Variants in DNAH1 observed in about 807,000 individuals in gnomAD.
The protein encoded by DNAH1 is dynein axonemal heavy chain 1.
Under a neutral mutation model 484.3 loss-of-function variants are expected in DNAH1, and 327 were observed. That is an observed-to-expected ratio of 0.68 (90% CI 0.62 to 0.74). DNAH1 has a LOEUF of 0.74. Among genes scored for constraint, DNAH1 ranks in the 30% least tolerant of loss-of-function variants. The pLI is 0.00. For missense variants in DNAH1, 5,052 were observed against 5,546.8 expected (o/e 0.91, Z 2.83); for synonymous variants, 2,192 against 2,191.9 (o/e 1.00, Z 0.00).
Position 52,372,295 on chromosome 3 carries a change from G to C in DNAH1, c.6735G>C (p.Leu2245=), listed in dbSNP as rs536792309. The change falls in exon 43 of 78, where the codon CTG becomes CTC. Residue 2245 remains leucine (L), a synonymous_variant. Transcript: ENST00000420323. ...TCTCTGACAAGCTCCTCAAGAACCT[G>C]GCACTGGATTACATCAGCCACTTCC... is the stretch of plus-strand genomic sequence containing the variant. The part of the protein sequence containing the change: ...LTISDKLLKN[L]ALDYISHFLT... 1.9e-6 allele frequency: 3 copies of C among 1,613,978 alleles called. No homozygotes were observed. The highest frequency in any genetic ancestry group is 3.3e-5 in the Admixed American group (2 of 60,026).
chr3:52,386,896 AG>A, intron 56 of DNAH1, 43 bp downstream of exon 56: 4 of 1,496,124 alleles, frequency 2.7e-6, no homozygotes, highest in Non-Finnish European at 3.6e-6. Flanking sequence ...AGTGAGGACA[AG>A]GCCCGCCCGG....
At position 52,399,720 on chromosome 3, in the gene DNAH1, G is replaced by A. The variant is rs528880647; in HGVS notation, c.12617G>A (p.Arg4206His). 5.1e-5 allele frequency: 83 copies of A among 1,613,984 alleles called. 3 individuals are homozygous for A. In the South Asian group the frequency reaches 7.6e-4, roughly 15 times the overall value. ...AVIWLLPTPN[R>H]KAQDQDFYLC... ...ATCTGGCTCTTGCCAACACCCAACC[G>A]CAAGGCCCAGGACCAGGACTTTTAC... is the stretch of plus-strand genomic sequence containing the variant. Residue 4206 changes from arginine (R) to histidine (H), a missense_variant, in exon 77 of 78, where the codon CGC becomes CAC. Arg to His is a conservative substitution (Grantham distance 29, BLOSUM62 0). Transcript: ENST00000420323.
chr3:52,326,176 G>C lies in DNAH1; in HGVS notation c.443G>C (p.Arg148Pro). The change falls in exon 4 of 78, where the codon CGC (arginine) becomes CCC (proline). Residue 148 changes from arginine (R) to proline (P), a missense_variant. Coordinates refer to ENST00000420323, the MANE Select transcript of DNAH1 (RefSeq NM_015512.5). ...SFEVPEDFQERMEQQCIGSTT... is the reference protein window; with the variant it reads ...SFEVPEDFQEPMEQQCIGSTT... The stretch of plus-strand genomic sequence containing the variant: ...GAGGTTCCTGAAGACTTCCAGGAGC[G>C]CATGGAGCAGCAGTGCATCGGGTCC... 6.2e-7 allele frequency: 1 copy of C among 1,611,682 alleles called. No homozygotes were observed. The highest frequency in any genetic ancestry group is 8.5e-7 in the Non-Finnish European group (1 of 1,178,906).
chr3:52,357,497 C>G, intron 22 of DNAH1, 117 bp from the exon 23 acceptor site: 1 of 1,359,614 alleles, frequency 7.4e-7, no homozygotes, highest in Non-Finnish European at 9.9e-7. Context: ...TTTTCTGCAT[C>G]TTCTTTCCCA....
chr3:52,319,695 G>T (rs891387432), intron 1 of DNAH1, among the ~76,000 whole-genome samples: 1 of 152,214 alleles, frequency 6.6e-6, no homozygotes, highest in Non-Finnish European at 1.5e-5. Context: ...CCATGAGGCC[G>T]CGGCAGGAGG....
At chr3:52,374,400 C>A in intron 44 of DNAH1, 1 of 1,323,678 alleles carries the variant, frequency 7.6e-7, no homozygotes, top group Non-Finnish European at 1.1e-6. Context: ...GGACAGCACC[C>A]CCACAGAACC....
upstream of DNAH1, among the ~76,000 whole-genome samples, chr3:52,314,397 C>T (rs1280243649): frequency 6.6e-6 from 1 of 152,212 alleles, no homozygotes; most frequent in Non-Finnish European, 1.5e-5. Flanking sequence ...CCTGCACCCT[C>T]AGATGGAGGT....
At chr3:52,374,884 A>G (rs752728644) in intron 44 of DNAH1, 14 of 1,067,108 alleles carry the variant, frequency 1.3e-5, no homozygotes, top group Non-Finnish European at 1.7e-5. Flanking sequence ...GCCAATCCCC[A>G]GGTACTAAAA....
chr3:52,327,314 C>T lies in DNAH1; in HGVS notation c.738+423C>T, dbSNP rs72959340. On this transcript the variant is annotated intron_variant, in intron 5 of 77. Transcript: ENST00000420323. ...CCCCCGTGGGGTATAAATCAGGAAA[C>T]GAATCCAGGGAGGAGAAAGAGGGAG... Among the ~76,000 whole-genome samples the T allele has an allele frequency of 3.0e-3, 461 of 152,192 alleles. 1 individual carries two copies. The highest frequency in any genetic ancestry group is 0.011 in the African/African-American group (439 of 41,506).
intron 16 of DNAH1, among the ~76,000 whole-genome samples, 179 bp from the exon 17 acceptor site, chr3:52,351,783 C>T (rs994308853): frequency 3.3e-5 from 5 of 152,208 alleles, no homozygotes; most frequent in African/African-American, 1.2e-4. Context: ...GTCGCGCCTC[C>T]CAGCTCACCT....
intron 28 of DNAH1, among the ~76,000 whole-genome samples, chr3:52,360,724 A>G (rs1036728303): frequency 1.3e-5 from 2 of 152,206 alleles, no homozygotes; most frequent in Non-Finnish European, 2.9e-5. Context: ...CTCAGTGAGC[A>G]TCTAATGGGT....
At chr3:52,369,440 G>A (rs889894441) in intron 37 of DNAH1, among the ~76,000 whole-genome samples, 9 of 152,186 alleles carry the variant, frequency 5.9e-5, no homozygotes, top group Non-Finnish European at 1.5e-5. Flanking sequence ...ACTGAGTCCA[G>A]CTCTTGAATC....
At chr3:52,333,691 AT>A (rs1190128374) in intron 8 of DNAH1, among the ~76,000 whole-genome samples, 2 of 151,642 alleles carry the variant, frequency 1.3e-5, no homozygotes, top group African/African-American at 2.4e-5. Context: ...CCAACTTACC[AT>A]TTTTCAACTT....
chr3:52,349,150 C>T (rs759927610), intron 13 of DNAH1, 45 bp from the exon 14 acceptor site: 1 of 1,611,920 alleles, frequency 6.2e-7, no homozygotes, highest in Non-Finnish European at 8.5e-7. Context: ...CCTGCCCACC[C>T]TGCTCACCAT....
chr3:52,345,555 C>T lies in DNAH1; in HGVS notation c.1505C>T (p.Ser502Phe). 1 of 1,592,122 alleles carries T rather than the reference C, an allele frequency of 6.3e-7. No homozygotes were observed. Among genetic ancestry groups the T allele is most frequent in the South Asian group, 1.1e-5 (1 of 88,088 alleles). Reference sequence around the variant, plus strand: ...CAGAAGGAGGACTTCACTTTCGTGTCCCTGCTCACACGGCCAGAGGTCATC... The same window carrying T: ...CAGAAGGAGGACTTCACTTTCGTGTTCCTGCTCACACGGCCAGAGGTCATC... ...WEQKEDFTFV[S>F]LLTRPEVITA... The change falls in exon 10 of 78, where the codon TCC (serine) becomes TTC (phenylalanine). Residue 502 changes from serine to phenylalanine, a missense_variant. Physicochemically the swap from Ser to Phe is radical, Grantham distance 155. Transcript: ENST00000420323.
chr3:52,388,820 G>C lies in DNAH1; in HGVS notation c.9378G>C (p.Leu3126=). 6.2e-7 allele frequency: 1 copy of C among 1,613,622 alleles called. No homozygotes were observed. Among genetic ancestry groups the C allele is most frequent in the South Asian group, 1.1e-5 (1 of 91,072 alleles). Reference sequence around the variant, plus strand: ...TGCCCCTCCAGCTCATCAACGGGCTGTCGGATGAGAAGGTGCGCTGGCAGG... The same window carrying C: ...TGCCCCTCCAGCTCATCAACGGGCTCTCGGATGAGAAGGTGCGCTGGCAGG... ...LGRAGKLING[L]SDEKVRWQET... is the part of the protein sequence containing the mutation. Residue 3126 remains leucine, a synonymous_variant, in exon 59 of 78, where the codon CTG becomes CTC. Coordinates refer to ENST00000420323, the MANE Select transcript of DNAH1 (RefSeq NM_015512.5).
rs1399570720 is a variant in DNAH1 at position 52,396,651 on chromosome 3, T to C, written c.11464T>C (p.Cys3822Arg). The C allele has an allele frequency of 6.2e-7, 1 of 1,613,630 alleles. No homozygotes were observed. The highest frequency in any genetic ancestry group is 8.5e-7 in the Non-Finnish European group (1 of 1,179,794). The change falls in exon 72 of 78, where the codon TGC becomes CGC. Residue 3822 changes from cysteine to arginine, a missense_variant. Around this residue, in one of 4 missense-constraint regions of DNAH1, gnomAD observed 853 missense variants for 899.0 expected, o/e 0.95. Transcript: ENST00000420323. ...MEFKSLLLSL[C>R]LFHGNALERR... is the part of the protein sequence containing the mutation. ...GTTCAAGTCTCTGCTGCTGTCTCTG[T>C]GCTTGTTCCATGGGAACGCCCTGGA...
At chr3:52,383,288 A>T in intron 50 of DNAH1, 98 bp from the exon 51 acceptor site, 2 of 1,090,412 alleles carry the variant, frequency 1.8e-6, no homozygotes, top group South Asian at 3.0e-5. Flanking sequence ...TTAGTGGTAC[A>T]GTCTGTCAAA....
Position 52,396,907 on chromosome 3 carries a change from C to T in DNAH1, c.11650C>T (p.Arg3884Cys), listed in dbSNP as rs369367984. The T allele has an allele frequency of 1.2e-5, 19 of 1,613,500 alleles. No homozygotes were observed. Among genetic ancestry groups the T allele is most frequent in the East Asian group, 6.7e-5 (3 of 44,858 alleles). Residue 3884 changes from arginine (R) to cysteine (C), a missense_variant, in exon 73 of 78, where the codon CGT becomes TGT. This residue lies in a region of DNAH1 where 853 missense variants were observed against 899.0 expected (regional missense o/e 0.95). Coordinates refer to ENST00000420323, the MANE Select transcript of DNAH1 (RefSeq NM_015512.5). ...GGCAGGGGAGATCAATTACGGGGGC[C>T]GTGTCACTGATGACTGGGACCGGCG... is the stretch of plus-strand genomic sequence containing the variant. ...YTAGEINYGGRVTDDWDRRCI... is the reference protein window; with the variant it reads ...YTAGEINYGGCVTDDWDRRCI...
Sources: allele counts gnomAD v4.1 joint callset (sites outside exome capture counted in the v4.1 genomes callset), GRCh38; gene constraint gnomAD v4.1.1; regional missense constraint gnomAD v4.1.1; transcripts MANE v1.5; gene names NCBI Gene and HGNC (gene_info 2026-07-23, HGNC 2026-07-21).